The following ALG8 variants were observed in gnomAD, a reference collection of about 807,000 sequenced individuals.
The protein encoded by ALG8 is ALG8 alpha-1,3-glucosyltransferase, also known as dolichyl pyrophosphate Glc1Man9GlcNAc2 alpha-1,3-glucosyltransferase.
Under a neutral mutation model 70.2 loss-of-function variants are expected in ALG8, and 48 were observed. That is an observed-to-expected ratio of 0.68 (90% CI 0.54 to 0.87). The LOEUF is 0.87. ALG8 is among the 40% of genes least tolerant of loss of function. The pLI, the probability that ALG8 is intolerant of heterozygous loss-of-function variation, is 0.00. For missense variants in ALG8, 572 were observed against 608.7 expected (o/e 0.94, Z 0.64); for synonymous variants, 234 against 229.0 (o/e 1.02, Z -0.20).
intron 4 of ALG8, 78 bp downstream of exon 4, chr11:78,120,987 T>C (rs1006790690): frequency 6.8e-5 from 90 of 1,326,090 alleles, no homozygotes; most frequent in Non-Finnish European, 9.1e-5. Context: ...TCTCCAATCA[T>C]TATTATAGAA....
At chr11:78,105,117 C>G (rs1300285611) in intron 10 of ALG8, among the ~76,000 whole-genome samples, 1 of 152,110 alleles carries the variant, frequency 6.6e-6, no homozygotes, top group Non-Finnish European at 1.5e-5. Flanking sequence ...TGGACAATGC[C>G]CTTCACCTGC....
At chr11:78,121,718 G>A (rs868760825) in intron 3 of ALG8, among the ~76,000 whole-genome samples, 7 of 152,028 alleles carry the variant, frequency 4.6e-5, no homozygotes, top group Admixed American at 2.0e-4. Flanking sequence ...AACTGAGAGA[G>A]CATACATTAT....
chr11:78,135,005 A>C (rs187711611), intron 1 of ALG8, among the ~76,000 whole-genome samples: 43 of 152,366 alleles, frequency 2.8e-4, no homozygotes, highest in Non-Finnish European at 1.8e-4. Context: ...CAGAAGAATC[A>C]CTATCTATGG....
chr11:78,138,582 A>T (rs1861651980), intron 1 of ALG8: 3 of 386,926 alleles, frequency 7.8e-6, no homozygotes, highest in South Asian at 5.8e-5. Context: ...GAATCAAAGG[A>T]TACCAATAAA....
At chr11:78,109,667 AAAGT>A (rs1399209579) in intron 8 of ALG8, 86 bp from the exon 9 acceptor site, 25 of 1,302,276 alleles carry the variant, frequency 1.9e-5, no homozygotes, top group African/African-American at 7.4e-5. Context: ...TGAGGAATAA[AAAGT>A]AAGCTACTAA....
At chr11:78,106,735 G>T in intron 10 of ALG8, 72 bp downstream of exon 10, 1 of 1,595,030 alleles carries the variant, frequency 6.3e-7, no homozygotes, top group South Asian at 1.1e-5. Context: ...TGACAAGAAG[G>T]GACAGAGCAA....
At chr11:78,107,302 C>T (rs147017446) in intron 9 of ALG8, among the ~76,000 whole-genome samples, 2,583 of 148,756 alleles carry the variant, frequency 0.017, 88 homozygotes, top group African/African-American at 0.06. Context: ...CTCACTGCAA[C>T]CTCCACCTCC....
intron 1 of ALG8, among the ~76,000 whole-genome samples, chr11:78,129,628 T>C (rs1038234034): frequency 6.6e-6 from 1 of 152,166 alleles, no homozygotes; most frequent in Admixed American, 6.6e-5. Flanking sequence ...CATAATAATA[T>C]TCAGATGTAA....
At chr11:78,121,210 T>C in intron 3 of ALG8, 36 bp from the exon 4 acceptor site, 1 of 1,449,266 alleles carries the variant, frequency 6.9e-7, no homozygotes, top group Non-Finnish European at 9.7e-7. Context: ...CAGAAACAAC[T>C]TTGATCTTCA....
chr11:78,131,327 G>A (rs1247069486), intron 1 of ALG8, among the ~76,000 whole-genome samples: 1 of 152,146 alleles, frequency 6.6e-6, no homozygotes, highest in Non-Finnish European at 1.5e-5. Flanking sequence ...AATCAGCCGA[G>A]CACAATGGTT....
At chr11:78,119,290 T>A in intron 4 of ALG8, 41 bp from the exon 5 acceptor site, 2 of 1,428,594 alleles carry the variant, frequency 1.4e-6, no homozygotes, top group Non-Finnish European at 2.0e-6. Flanking sequence ...GACACCAAAT[T>A]CATAATGAAC....
rs574242484 is a variant in ALG8, at chr11:78,139,565, C to G, written c.24G>C (p.Thr8=). The change falls in exon 1 of 13, where the codon ACG becomes ACC. Residue 8 remains threonine, a synonymous_variant. Coordinates refer to ENST00000299626, the MANE Select transcript of ALG8 (RefSeq NM_024079.5). MAALTIA[T]GTGNWFSALA... ...AAGCCGAAAACCAATTGCCAGTACC[C>G]GTGGCAATTGTGAGCGCCGCCATTG... 4 of 1,559,074 alleles carry G rather than the reference C, an allele frequency of 2.6e-6. No individual in the cohort carries two copies. The highest frequency in any genetic ancestry group is 4.8e-5 in the East Asian group (2 of 41,570).
At chr11:78,126,168 A>G (rs1052545585) in intron 2 of ALG8, among the ~76,000 whole-genome samples, 1 of 151,810 alleles carries the variant, frequency 6.6e-6, no homozygotes, top group African/African-American at 2.4e-5. Flanking sequence ...CAAAAAAAAA[A>G]GAAGAAATTT....
intron 4 of ALG8, among the ~76,000 whole-genome samples, chr11:78,119,901 A>T (rs1430104880): frequency 6.6e-6 from 1 of 152,104 alleles, no homozygotes; most frequent in Non-Finnish European, 1.5e-5. Context: ...CAGGCGTTCA[A>T]GATCAGCCTG....
At chr11:78,127,503 T>C in intron 1 of ALG8, 67 bp from the exon 2 acceptor site, 1 of 1,389,790 alleles carries the variant, frequency 7.2e-7, no homozygotes. Context: ...ATTCCCATAG[T>C]TATGCTTTTA....
At chr11:78,103,418 C>T (rs554665969) in intron 12 of ALG8, 2 of 152,926 alleles carry the variant, frequency 1.3e-5, no homozygotes, top group East Asian at 1.9e-4. Flanking sequence ...GAGTGGAGAT[C>T]GCGCCACTGC....
intron 12 of ALG8, among the ~76,000 whole-genome samples, chr11:78,101,537 G>A (rs546930623): frequency 3.2e-4 from 49 of 152,218 alleles, no homozygotes; most frequent in Middle Eastern, 3.4e-3. Context: ...GCTGAGGCAG[G>A]AGAACTGCTT....
At chr11:78,134,090 T>C (rs1861435484) in intron 1 of ALG8, among the ~76,000 whole-genome samples, 1 of 152,050 alleles carries the variant, frequency 6.6e-6, no homozygotes, top group Non-Finnish European at 1.5e-5. Context: ...TGGCTGTTGA[T>C]TGATCAGGTT....
intron 5 of ALG8, among the ~76,000 whole-genome samples, chr11:78,116,880 A>T (rs1306428913): frequency 6.6e-6 from 1 of 152,150 alleles, no homozygotes; most frequent in East Asian, 1.9e-4. Flanking sequence ...TAGCTTTAGG[A>T]GTAATAACAA....
Sources: gnomAD v4.1 joint callset for allele counts (sites outside exome capture counted in the v4.1 genomes callset) on GRCh38, gnomAD v4.1.1 for gene constraint, MANE v1.5 for transcripts, NCBI Gene and HGNC (gene_info 2026-07-23, HGNC 2026-07-21) for gene names.